FRMD5: variants seen among roughly 807,000 people sequenced by gnomAD.
FRMD5 encodes the protein FERM domain-containing protein 5.
In FRMD5, 20 loss-of-function variants were observed where a neutral mutation model predicts 69.0. That is an observed-to-expected ratio of 0.29 (90% confidence interval 0.20 to 0.42). The LOEUF is 0.42. Among genes scored for constraint, FRMD5 ranks in the 10% least tolerant of loss-of-function variants. FRMD5 has a pLI of 1.00. For synonymous variants in FRMD5, 271 were observed against 260.1 expected (o/e 1.04, Z -0.40); for missense variants, 595 against 708.6 (o/e 0.84, Z 1.82).
At chr15:43,931,328 A>G (rs2089670926) in intron 1 of FRMD5, among the ~76,000 whole-genome samples, 1 of 152,052 alleles carries the variant, frequency 6.6e-6, no homozygotes, top group South Asian at 2.1e-4. Context: ...TTAGGAAAAA[A>G]CTCATTGCTT....
chr15:44,196,752 T>TTTC (rs2078308172), upstream of FRMD5, among the ~76,000 whole-genome samples: 4 of 71,956 alleles, frequency 5.6e-5, no homozygotes, highest in African/African-American at 1.8e-4. Context: ...CTCTCTCTCT[T>TTTC]TCTCTCTCTC....
chr15:44,092,264 G>T lies in FRMD5; in HGVS notation c.102+102689C>A, dbSNP rs189610219. On this transcript the variant is annotated intron_variant, in intron 1 of 13. Transcript: ENST00000417257. ...GTCAGCCTCCATCCTTTCTGTTCTA[G>T]CTCAGCTCAAAGGTCTTCATTAATT... 2.0e-5 allele frequency among the ~76,000 whole-genome samples: 3 copies of T among 152,112 alleles called. No individual in the cohort carries two copies. The East Asian group carries it at 5.8e-4, about 29-fold the overall frequency.
At chr15:44,067,237 A>G (rs151140905) in intron 1 of FRMD5, among the ~76,000 whole-genome samples, 2 of 152,326 alleles carry the variant, frequency 1.3e-5, no homozygotes, top group East Asian at 3.9e-4. Flanking sequence ...AACTGGGGAG[A>G]GACTAGGTAT....
At chr15:43,929,321 T>C (rs2089636449) in intron 1 of FRMD5, among the ~76,000 whole-genome samples, 1 of 152,210 alleles carries the variant, frequency 6.6e-6, no homozygotes, top group Non-Finnish European at 1.5e-5. Context: ...GGAGCTTTAT[T>C]TTAACCCATC....
At position 43,948,782 on chromosome 15, in the gene FRMD5, C is replaced by G. The variant is rs559833480; in HGVS notation, c.103-24473G>C. Among the ~76,000 whole-genome samples the G allele has an allele frequency of 5.9e-5, 9 of 152,306 alleles. No individual in the cohort carries two copies. In the South Asian group the frequency reaches 1.9e-3, roughly 32 times the overall value. On this transcript the variant is annotated intron_variant, in intron 1 of 13. Transcript: ENST00000417257. ...GTACTGTCCCCTAACTAACATCTGT[C>G]AGAAGAAAACTCCTCATCCATTTTT...
intron 8 of FRMD5, among the ~76,000 whole-genome samples, chr15:43,891,544 G>T (rs150230539): frequency 6.6e-6 from 1 of 152,200 alleles, no homozygotes; most frequent in Non-Finnish European, 1.5e-5. Context: ...TGCCCCAGAG[G>T]TCACTGTCTG....
chr15:44,036,491 T>C (rs1394825288), intron 1 of FRMD5, among the ~76,000 whole-genome samples: 2 of 152,204 alleles, frequency 1.3e-5, no homozygotes, highest in East Asian at 3.9e-4. Context: ...CAAATTCTCA[T>C]ACTGCTATTT....
intron 1 of FRMD5, among the ~76,000 whole-genome samples, chr15:44,012,521 A>T (rs1228050653): frequency 1.3e-5 from 2 of 152,226 alleles, no homozygotes; most frequent in African/African-American, 4.8e-5. Flanking sequence ...AAAGAAAAAC[A>T]TAACAAATTT....
intron 1 of FRMD5, among the ~76,000 whole-genome samples, chr15:44,106,000 T>C (rs144084976): frequency 0.026 from 3,927 of 152,322 alleles, 87 homozygotes; most frequent in Non-Finnish European, 0.04. Context: ...TTACTTATAA[T>C]ACCTAATACA....
intron 1 of FRMD5, among the ~76,000 whole-genome samples, chr15:44,125,388 GA>G: frequency 6.6e-6 from 1 of 152,234 alleles, no homozygotes; most frequent in South Asian, 2.1e-4. Context: ...AAATAGATCT[GA>G]CATGGCTGAT....
chr15:44,044,415 T>C (rs531341912), intron 1 of FRMD5, among the ~76,000 whole-genome samples: 1 of 152,278 alleles, frequency 6.6e-6, no homozygotes, highest in South Asian at 2.1e-4. Flanking sequence ...GCAATCCCAT[T>C]ACTGGGTATA....
chr15:43,910,981 C>T lies in FRMD5; in HGVS notation c.330-1002G>A, dbSNP rs150028426. On this transcript the variant is annotated intron_variant, in intron 4 of 13. Transcript: ENST00000417257. Reference sequence around the variant, plus strand: ...ACTATGATATTCTGCCCTCCTTGCACTATAAATGCTTTGCAGTTTCACTAG... The same window carrying T: ...ACTATGATATTCTGCCCTCCTTGCATTATAAATGCTTTGCAGTTTCACTAG... Among the ~76,000 whole-genome samples, 22 of 152,310 alleles carry T rather than the reference C, an allele frequency of 1.4e-4. No homozygotes were observed. In the East Asian group the frequency reaches 4.2e-3, roughly 29 times the overall value.
intron 1 of FRMD5, among the ~76,000 whole-genome samples, chr15:44,174,117 G>C (rs1441057143): frequency 6.6e-6 from 1 of 151,736 alleles, no homozygotes; most frequent in South Asian, 2.1e-4. Context: ...TCCACCAAAG[G>C]CATTCTAATA....
chr15:44,199,004 C>T (rs916514700), upstream of FRMD5, among the ~76,000 whole-genome samples: 3 of 152,166 alleles, frequency 2.0e-5, no homozygotes, highest in Admixed American at 6.5e-5. Context: ...CTATCCCCCA[C>T]GTATGCCTGA....
intron 1 of FRMD5, among the ~76,000 whole-genome samples, chr15:44,022,474 TGA>T (rs1305549417): frequency 6.7e-6 from 1 of 148,750 alleles, no homozygotes; most frequent in Non-Finnish European, 1.5e-5. Flanking sequence ...CTCGGGAGGC[TGA>T]GACAGGAGAA....
chr15:43,880,196 G>C (rs1253371208), intron 13 of FRMD5, among the ~76,000 whole-genome samples: 1 of 152,202 alleles, frequency 6.6e-6, no homozygotes, highest in Non-Finnish European at 1.5e-5. Flanking sequence ...TTTGGGGCTG[G>C]GTGGCTCTGA....
At chr15:44,012,951 T>C (rs1246590301) in intron 1 of FRMD5, among the ~76,000 whole-genome samples, 3 of 151,900 alleles carry the variant, frequency 2.0e-5, no homozygotes, top group South Asian at 4.2e-4. Flanking sequence ...TTTTTAGTAA[T>C]GGTGGGGTTT....
intron 1 of FRMD5, among the ~76,000 whole-genome samples, chr15:44,012,807 C>T (rs1193875620): frequency 7.5e-6 from 1 of 134,088 alleles, no homozygotes; most frequent in Non-Finnish European, 1.5e-5. Context: ...GCTCTTGTTG[C>T]CCAGGCTGGA....
At chr15:44,148,142 T>A (rs531336340) in intron 1 of FRMD5, among the ~76,000 whole-genome samples, 3 of 152,284 alleles carry the variant, frequency 2.0e-5, no homozygotes, top group African/African-American at 7.2e-5. Context: ...AATTTTTCTC[T>A]TTTTCCCCTT....
Sources: allele counts gnomAD v4.1 joint callset (sites outside exome capture counted in the v4.1 genomes callset), GRCh38; gene constraint gnomAD v4.1.1; transcripts MANE v1.5; gene names NCBI Gene and HGNC (gene_info 2026-07-23, HGNC 2026-07-21).